EYS: variants seen among roughly 807,000 people sequenced by gnomAD.
The protein encoded by EYS is EGF-like photoreceptor maintenance factor.
In EYS, 250 loss-of-function variants were observed where a neutral mutation model predicts 282.1. The observed-to-expected ratio is 0.89, with a 90% CI of 0.80 to 0.98. EYS has a LOEUF of 0.98. Among genes scored for constraint, EYS ranks in the 50% least tolerant of loss-of-function variants. EYS has a pLI of 0.00. For missense variants in EYS, 4,016 were observed against 3,709.0 expected (o/e 1.08, Z -2.15); for synonymous variants, 1,355 against 1,282.9 (o/e 1.06, Z -1.20).
At chr6:64,222,513 A>T (rs1055614790) in intron 31 of EYS, among the ~76,000 whole-genome samples, 3 of 151,990 alleles carry the variant, frequency 2.0e-5, no homozygotes, top group Non-Finnish European at 4.4e-5. Flanking sequence ...ATACTCTTCA[A>T]TCCTTTTCCC....
intron 29 of EYS, among the ~76,000 whole-genome samples, chr6:64,334,644 G>C (rs1770775493): frequency 6.6e-6 from 1 of 152,136 alleles, no homozygotes. Context: ...CCTTAGACTT[G>C]CTAGCCATAC....
intron 5 of EYS, among the ~76,000 whole-genome samples, chr6:65,412,372 A>G (rs796968164): frequency 5.3e-5 from 8 of 152,282 alleles, no homozygotes; most frequent in African/African-American, 1.9e-4. Context: ...GCTGGGTCAT[A>G]TGGTTAAGGC....
chr6:63,920,284 CA>C (rs1764534202), intron 35 of EYS, among the ~76,000 whole-genome samples: 1 of 152,140 alleles, frequency 6.6e-6, no homozygotes. Context: ...GACCCTTCTC[CA>C]TTCCTCCCCT....
chr6:64,058,242 T>C (rs981939121), intron 33 of EYS, among the ~76,000 whole-genome samples: 14 of 151,118 alleles, frequency 9.3e-5, no homozygotes, highest in South Asian at 4.2e-4. Flanking sequence ...TCCCCAGTCA[T>C]GTGGAACTGT....
intron 2 of EYS, among the ~76,000 whole-genome samples, chr6:65,565,620 A>G (rs1352865715): frequency 6.6e-6 from 1 of 152,160 alleles, no homozygotes; most frequent in Non-Finnish European, 1.5e-5. Flanking sequence ...AGGATTATAT[A>G]TCATGCTACT....
chr6:64,571,651 TCTATGCAAATAAAC>T (rs1322555739), intron 26 of EYS, among the ~76,000 whole-genome samples: 1 of 152,144 alleles, frequency 6.6e-6, no homozygotes, highest in African/African-American at 2.4e-5. Flanking sequence ...TATAAACGTC[TCTATGCAAATAAAC>T]TATAAAATCT....
intron 11 of EYS, among the ~76,000 whole-genome samples, chr6:65,309,386 G>GA (rs1417559856): frequency 2.0e-5 from 3 of 152,258 alleles, no homozygotes; most frequent in African/African-American, 2.4e-5. Context: ...CTGCCTTAAA[G>GA]AAAAAAATTG....
At chr6:65,038,390 TGA>T (rs1399105233) in intron 13 of EYS, among the ~76,000 whole-genome samples, 5 of 151,420 alleles carry the variant, frequency 3.3e-5, no homozygotes, top group African/African-American at 1.2e-4. Flanking sequence ...GCATAATATT[TGA>T]GAGAGTCTTA....
At chr6:65,398,158 C>T (rs1013832093) in intron 7 of EYS, among the ~76,000 whole-genome samples, 1 of 151,834 alleles carries the variant, frequency 6.6e-6, no homozygotes, top group African/African-American at 2.4e-5. Context: ...TGAATACTAG[C>T]CTTTTGATGT....
At chr6:64,804,224 C>T (rs1234077693) in intron 22 of EYS, among the ~76,000 whole-genome samples, 3 of 152,174 alleles carry the variant, frequency 2.0e-5, no homozygotes, top group African/African-American at 7.2e-5. Context: ...ATAGTTTGAA[C>T]TCTTTCTCTA....
intron 31 of EYS, among the ~76,000 whole-genome samples, chr6:64,193,522 T>G (rs56167259): frequency 0.077 from 11,755 of 152,092 alleles, 591 homozygotes; most frequent in Middle Eastern, 0.15. Context: ...TTATTATACT[T>G]TAAGTTCTAG....
chr6:64,757,758 G>A (rs1333617650), intron 22 of EYS, among the ~76,000 whole-genome samples: 4 of 147,390 alleles, frequency 2.7e-5, no homozygotes, highest in Non-Finnish European at 5.9e-5. Flanking sequence ...GTGTGTGTGT[G>A]TGTGTGTGTG....
At chr6:64,900,114 A>T (rs1193349474) in intron 18 of EYS, among the ~76,000 whole-genome samples, 1 of 152,188 alleles carries the variant, frequency 6.6e-6, no homozygotes, top group African/African-American at 2.4e-5. Flanking sequence ...AAAGCTGACA[A>T]AAACAAGCAA....
intron 31 of EYS, among the ~76,000 whole-genome samples, chr6:64,123,505 C>T (rs1449710253): frequency 6.6e-6 from 1 of 152,176 alleles, no homozygotes; most frequent in Non-Finnish European, 1.5e-5. Context: ...ATAAGAAAGA[C>T]TGCAGCACAG....
chr6:65,051,571 C>G (rs1278736022), intron 13 of EYS, among the ~76,000 whole-genome samples: 5 of 151,510 alleles, frequency 3.3e-5, no homozygotes, highest in African/African-American at 1.2e-4. Context: ...AAAATCTAAT[C>G]TGTAAGTAAT....
intron 22 of EYS, among the ~76,000 whole-genome samples, chr6:64,671,787 G>A (rs946175265): frequency 2.6e-5 from 4 of 151,650 alleles, no homozygotes; most frequent in African/African-American, 7.3e-5. Context: ...TAAGAATATG[G>A]CTACTAATAT....
chr6:63,871,373 A>T (rs1231444840), intron 35 of EYS, among the ~76,000 whole-genome samples: 1 of 152,086 alleles, frequency 6.6e-6, no homozygotes, highest in Non-Finnish European at 1.5e-5. Context: ...TTATTAATTT[A>T]TCATCTGCTG....
chr6:65,166,722 T>A (rs369562059), intron 12 of EYS, among the ~76,000 whole-genome samples: 88 of 151,246 alleles, frequency 5.8e-4, no homozygotes, highest in African/African-American at 1.8e-3. Flanking sequence ...ATTTTATGTT[T>A]CAAAGGACAC....
chr6:65,604,955 C>T (rs1022704011), intron 2 of EYS, among the ~76,000 whole-genome samples: 4 of 151,086 alleles, frequency 2.6e-5, no homozygotes, highest in African/African-American at 7.3e-5. Flanking sequence ...GCTAGTCTCC[C>T]ACCTTAGTTT....
Sources: allele counts gnomAD v4.1 joint callset (sites outside exome capture counted in the v4.1 genomes callset), GRCh38; gene constraint gnomAD v4.1.1; transcripts MANE v1.5; gene names NCBI Gene and HGNC (gene_info 2026-07-23, HGNC 2026-07-21).